GALNT13: variants seen among roughly 807,000 people sequenced by gnomAD.
GALNT13 encodes UDP-GalNAc:polypeptide N-acetylgalactosaminyltransferase 13.
GALNT13 carries 28 observed loss-of-function variants against 64.2 expected under a neutral mutation model. The observed-to-expected ratio is 0.44, with a 90% CI of 0.32 to 0.60. The LOEUF is 0.60. Among genes scored for constraint, GALNT13 ranks in the 20% least tolerant of loss-of-function variants. The pLI is 0.05. For synonymous variants in GALNT13, 214 were observed against 224.6 expected, an observed-to-expected ratio of 0.95 and a Z score of 0.42; for missense variants, 577 against 669.8, an observed-to-expected ratio of 0.86 and a Z score of 1.53.
At chr2:153,943,285 A>G (rs1691469929) in intron 2 of GALNT13, among the ~76,000 whole-genome samples, 1 of 152,118 alleles carries the variant, frequency 6.6e-6, no homozygotes, top group Admixed American at 6.6e-5. Context: ...ATTATTTTAA[A>G]TCATTTATGT....
At chr2:153,796,265 A>G in the GALNT13 span, among the ~76,000 whole-genome samples, 3 of 152,234 alleles carry the variant, frequency 2.0e-5, no homozygotes, top group African/African-American at 7.2e-5. Context: ...ATGTGGTGTC[A>G]ATTATCGCAA....
At chr2:153,450,840 C>A in the GALNT13 span, among the ~76,000 whole-genome samples, 1 of 152,074 alleles carries the variant, frequency 6.6e-6, no homozygotes, top group Non-Finnish European at 1.5e-5. Context: ...CAAGTATGTT[C>A]TTTATTTTGA....
chr2:154,338,340 T>C (rs1158233624), intron 9 of GALNT13, among the ~76,000 whole-genome samples: 1 of 152,122 alleles, frequency 6.6e-6, no homozygotes, highest in Admixed American at 6.6e-5. Flanking sequence ...AAGTCTTTCA[T>C]TGTTTTTTTT....
chr2:154,148,326 T>A (rs1683750153), intron 4 of GALNT13, among the ~76,000 whole-genome samples: 1 of 152,122 alleles, frequency 6.6e-6, no homozygotes, highest in Admixed American at 6.6e-5. Flanking sequence ...AGTCTATCAT[T>A]GTTGGACATT....
At chr2:153,660,235 A>G in the GALNT13 span, among the ~76,000 whole-genome samples, 30 of 152,278 alleles carry the variant, frequency 2.0e-4, no homozygotes, top group African/African-American at 7.0e-4. Context: ...TCAGAGTTCT[A>G]GTGATGAGGG....
At chr2:153,470,554 A>G in the GALNT13 span, among the ~76,000 whole-genome samples, 1 of 151,936 alleles carries the variant, frequency 6.6e-6, no homozygotes, top group Non-Finnish European at 1.5e-5. Context: ...TACCATGTGG[A>G]GAGAGATTTT....
At chr2:154,252,168 T>C (rs770674563) in intron 7 of GALNT13, among the ~76,000 whole-genome samples, 5 of 151,708 alleles carry the variant, frequency 3.3e-5, no homozygotes, top group Non-Finnish European at 5.9e-5. Context: ...CCCTTGATTA[T>C]TTGCCAAGTA....
At chr2:154,291,074 C>T (rs1390591700) in intron 8 of GALNT13, among the ~76,000 whole-genome samples, 1 of 152,068 alleles carries the variant, frequency 6.6e-6, no homozygotes, top group African/African-American at 2.4e-5. Flanking sequence ...AAGAACAAAC[C>T]TTCCACAGCG....
At chr2:154,062,768 A>G (rs184432286) in intron 3 of GALNT13, among the ~76,000 whole-genome samples, 1 of 151,954 alleles carries the variant, frequency 6.6e-6, no homozygotes. Flanking sequence ...CCATATCAAC[A>G]TTTCTAGTGT....
Position 154,099,698 on chromosome 2 carries a change from G to A in GALNT13, c.143-40639G>A, listed in dbSNP as rs146572006. The stretch of plus-strand genomic sequence containing the variant: ...CATACCTGTAATACCAGCACTTTGG[G>A]AAGCCAAAGCAAGAGGATTGCTTGA... On this transcript the variant is annotated intron_variant, in intron 3 of 12. Transcript: ENST00000392825. 7.1e-3 allele frequency among the ~76,000 whole-genome samples: 1,073 copies of A among 152,128 alleles called. 13 individuals carry two copies. Among genetic ancestry groups the A allele is most frequent in the African/African-American group, 0.025 (1,021 of 41,504 alleles).
chr2:154,101,607 C>T (rs1417196573), intron 3 of GALNT13, among the ~76,000 whole-genome samples: 1 of 151,984 alleles, frequency 6.6e-6, no homozygotes, highest in Non-Finnish European at 1.5e-5. Flanking sequence ...AATTAACTTT[C>T]AATTTCATTA....
chr2:153,633,224 G>A, the GALNT13 span, among the ~76,000 whole-genome samples: 4 of 152,088 alleles, frequency 2.6e-5, no homozygotes, highest in East Asian at 7.7e-4. Context: ...ATACAAAATA[G>A]AAAATATAAT....
At chr2:153,318,124 T>TTTG in the GALNT13 span, among the ~76,000 whole-genome samples, 1 of 151,098 alleles carries the variant, frequency 6.6e-6, no homozygotes, top group African/African-American at 2.4e-5. Flanking sequence ...TTAGGAGAGT[T>TTTG]TTTTTTTTTT....
chr2:153,893,572 G>GTAAATTATGTCAT (rs1558838770), intron 1 of GALNT13, among the ~76,000 whole-genome samples: 7 of 151,872 alleles, frequency 4.6e-5, no homozygotes, highest in African/African-American at 1.7e-4. Context: ...ATAGGCACAT[G>GTAAATTATGTCAT]TATTTACATA....
chr2:153,772,510 C>G, the GALNT13 span, among the ~76,000 whole-genome samples: 1 of 152,174 alleles, frequency 6.6e-6, no homozygotes, highest in Non-Finnish European at 1.5e-5. Flanking sequence ...CCACTTTCTC[C>G]TCCCTGAGAT....
chr2:153,319,163 C>A, the GALNT13 span, among the ~76,000 whole-genome samples: 15 of 152,164 alleles, frequency 9.9e-5, no homozygotes, highest in Non-Finnish European at 1.9e-4. Context: ...CTGTAAATTG[C>A]AAACAATAAT....
At chr2:153,898,417 T>G (rs1688019757) in intron 1 of GALNT13, among the ~76,000 whole-genome samples, 2 of 152,186 alleles carry the variant, frequency 1.3e-5, no homozygotes, top group Admixed American at 1.3e-4. Flanking sequence ...TAACCAAAAT[T>G]TATGGATTGT....
At chr2:153,503,960 A>T in the GALNT13 span, among the ~76,000 whole-genome samples, 1 of 152,040 alleles carries the variant, frequency 6.6e-6, no homozygotes, top group East Asian at 1.9e-4. Flanking sequence ...TTGAATTTGT[A>T]GATTGCTTTT....
the GALNT13 span, among the ~76,000 whole-genome samples, chr2:153,122,737 A>G: frequency 6.6e-6 from 1 of 152,132 alleles, no homozygotes; most frequent in Non-Finnish European, 1.5e-5. Context: ...TGTAAATATC[A>G]GTTTCCAGGG....
Sources: allele counts gnomAD v4.1 joint callset (sites outside exome capture counted in the v4.1 genomes callset), GRCh38; gene constraint gnomAD v4.1.1; transcripts MANE v1.5; gene names NCBI Gene and HGNC (gene_info 2026-07-23, HGNC 2026-07-21).